Variants in ZBTB37 observed in about 807,000 individuals in gnomAD.
The protein encoded by ZBTB37 is zinc finger and BTB domain containing 37.
ZBTB37 carries 15 observed loss-of-function variants against 37.7 expected under a neutral mutation model. The observed-to-expected ratio is 0.40, with a 90% CI of 0.27 to 0.61. The LOEUF (loss-of-function observed/expected upper bound fraction) is 0.61, where lower values mean the gene tolerates loss of function less well. ZBTB37 is among the 20% of genes least tolerant of loss of function. ZBTB37 has a pLI of 0.44. For synonymous variants in ZBTB37, 231 were observed against 220.6 expected (o/e 1.05, Z -0.42); for missense variants, 514 against 641.9 (o/e 0.80, Z 2.15).
exon 4 of ZBTB37, chr1:173,893,452 T>C (rs1381325079): frequency 1.3e-5 from 2 of 152,202 alleles, no homozygotes; most frequent in Non-Finnish European, 2.9e-5. Flanking sequence ...TAAAACTGGT[T>C]TTAGACATAG....
At chr1:173,868,741 T>C (rs1440670625) in intron 1 of ZBTB37, 184 bp from the exon 2 acceptor site, 1 of 153,140 alleles carries the variant, frequency 6.5e-6, no homozygotes, top group Non-Finnish European at 1.5e-5. Flanking sequence ...GCCGCCCCCT[T>C]CCTAGTTCTC....
At chr1:173,878,408 A>T (rs902083433) in intron 4 of ZBTB37, among the ~76,000 whole-genome samples, 6 of 152,034 alleles carry the variant, frequency 3.9e-5, no homozygotes, top group African/African-American at 1.4e-4. Context: ...TATGCATTCT[A>T]TTTTCCCAGG....
At chr1:173,875,190 T>C (rs1232393883) in intron 4 of ZBTB37, among the ~76,000 whole-genome samples, 1 of 150,948 alleles carries the variant, frequency 6.6e-6, no homozygotes, top group African/African-American at 2.4e-5. Context: ...CTATATGTAG[T>C]ATACACACAC....
chr1:173,877,392 T>C (rs4652226), intron 4 of ZBTB37, among the ~76,000 whole-genome samples: 24,860 of 143,420 alleles, frequency 0.17, 1,913 homozygotes, highest in African/African-American at 0.32. Flanking sequence ...TTTTTTTTTT[T>C]TTTTTCCGAG....
intron 4 of ZBTB37, among the ~76,000 whole-genome samples, chr1:173,875,616 C>T (rs899404643): frequency 6.6e-6 from 1 of 151,528 alleles, no homozygotes; most frequent in Non-Finnish European, 1.5e-5. Flanking sequence ...TGTGAGCCAC[C>T]GCGCCCGGCC....
exon 3 of ZBTB37, chr1:173,870,562 C>T (rs1210382874): frequency 1.2e-6 from 2 of 1,614,080 alleles, no homozygotes; most frequent in Non-Finnish European, 8.5e-7. Context: ...GCAAATGCAG[C>T]ATATTATAGA....
exon 4 of ZBTB37, chr1:173,901,734 G>A (rs559057579): frequency 1.4e-4 from 22 of 152,282 alleles, no homozygotes; most frequent in African/African-American, 5.3e-4. Flanking sequence ...TGAGTACATT[G>A]GAAGAACATT....
In ZBTB37 at chr1:173,882,366, C is replaced by T. The variant is rs1301671898; in HGVS notation, c.1024-3270C>T. ...ACGCCATTCTCTTGCCTCAGCCTCC[C>T]GAGTAGCTGGGACTACAGGCACCCG... is the stretch of plus-strand genomic sequence containing the variant. On this transcript the variant is annotated intron_variant, in intron 4 of 4. Transcript: ENST00000427304. Among the ~76,000 whole-genome samples the T allele has an allele frequency of 5.3e-5, 8 of 151,076 alleles. No individual in the cohort carries two copies. The South Asian group carries it at 1.7e-3, about 32-fold the overall frequency.
chr1:173,887,948 G>C (rs1451497149), downstream of ZBTB37: 1 of 151,972 alleles, frequency 6.6e-6, no homozygotes, highest in Non-Finnish European at 1.5e-5. Flanking sequence ...TAAGCAATCT[G>C]AGAATTGTAC....
chr1:173,876,912 T>A (rs1001381859), intron 4 of ZBTB37, among the ~76,000 whole-genome samples: 4 of 152,136 alleles, frequency 2.6e-5, no homozygotes, highest in African/African-American at 7.2e-5. Flanking sequence ...TTACACAAAT[T>A]TAGATGGTAT....
chr1:173,874,308 GTATC>G (rs1226249671), intron 4 of ZBTB37, among the ~76,000 whole-genome samples: 1 of 149,404 alleles, frequency 6.7e-6, no homozygotes, highest in Non-Finnish European at 1.5e-5. Context: ...CTGATTGAAA[GTATC>G]TATCTAAAAA....
At chr1:173,885,440 T>C (rs1230229470) in intron 4 of ZBTB37, among the ~76,000 whole-genome samples, 196 bp from the exon 5 acceptor site, 2 of 152,202 alleles carry the variant, frequency 1.3e-5, no homozygotes, top group Non-Finnish European at 2.9e-5. Context: ...TCTTTTATAG[T>C]AATGGAATAG....
chr1:173,869,760 A>G (rs1197711515), intron 2 of ZBTB37, among the ~76,000 whole-genome samples: 1 of 148,784 alleles, frequency 6.7e-6, no homozygotes. Context: ...GTAAAATACT[A>G]AGAAGAGGGA....
exon 4 of ZBTB37, chr1:173,896,939 T>C (rs1456593882): frequency 2.0e-5 from 3 of 152,216 alleles, no homozygotes; most frequent in Admixed American, 6.5e-5. Flanking sequence ...GGCTATCTGT[T>C]AGATAGCAGA....
At position 173,885,838 on chromosome 1, in the gene ZBTB37, A is replaced by G. The variant is rs1656590108; in HGVS notation, c.1226A>G (p.Lys409Arg). The change falls in exon 5 of 5, where the codon AAG becomes AGG. Residue 409 changes from lysine (K) to arginine (R), a missense_variant. This residue lies in a region of ZBTB37 where 86 missense variants were observed against 161.9 expected (regional missense o/e 0.53). Transcript: ENST00000427304. ...TTCGTCTGCCGCATGTGTGGCAAGA[A>G]GTATACCCGGAAAGATCAGCTGGAG... is the stretch of plus-strand genomic sequence containing the variant. 6.4e-7 allele frequency: 1 copy of G among 1,551,758 alleles called. No individual in the cohort carries two copies. Among genetic ancestry groups the G allele is most frequent in the African/African-American group, 1.4e-5 (1 of 73,056 alleles).
At chr1:173,883,244 C>G (rs1049672915) in intron 4 of ZBTB37, among the ~76,000 whole-genome samples, 1 of 152,154 alleles carries the variant, frequency 6.6e-6, no homozygotes, top group Non-Finnish European at 1.5e-5. Context: ...TTTGGGAGGC[C>G]AAGGCGGGCA....
At chr1:173,868,706 C>CT (rs1179471757) in intron 1 of ZBTB37, 4 of 152,964 alleles carry the variant, frequency 2.6e-5, no homozygotes, top group Non-Finnish European at 5.8e-5. Flanking sequence ...CCCCGCCCGC[C>CT]GCCGCCTGGA....
At chr1:173,902,971 C>T (rs1490893797) in exon 4 of ZBTB37, 1 of 152,188 alleles carries the variant, frequency 6.6e-6, no homozygotes, top group African/African-American at 2.4e-5. Flanking sequence ...GGAAAAACTA[C>T]CTAAGATTAT....
intron 2 of ZBTB37, 45 bp downstream of exon 2, chr1:173,869,165 C>G (rs1227088641): frequency 6.6e-6 from 1 of 152,456 alleles, no homozygotes; most frequent in Non-Finnish European, 1.5e-5. Context: ...GTATACACTT[C>G]CCTATTTAAT....
Sources: gnomAD v4.1 joint callset for allele counts (sites outside exome capture counted in the v4.1 genomes callset) on GRCh38, gnomAD v4.1.1 for gene constraint, gnomAD v4.1.1 regional missense constraint, MANE v1.5 for transcripts, NCBI Gene and HGNC (gene_info 2026-07-23, HGNC 2026-07-21) for gene names.